Variants in C8orf34 observed in about 807,000 individuals in gnomAD.
C8orf34 encodes the protein uncharacterized protein C8orf34.
A neutral mutation model predicts 68.3 loss-of-function variants in C8orf34; 65 were observed. The ratio of observed to expected loss-of-function variants is 0.95; its 90% CI spans 0.78 to 1.17. The LOEUF is 1.17. Among genes scored for constraint, C8orf34 ranks in the 50% most tolerant of loss-of-function variants. The pLI is 0.00. For synonymous variants in C8orf34, 244 were observed against 241.2 expected (o/e 1.01, Z -0.11); for missense variants, 664 against 655.4 (o/e 1.01, Z -0.14).
chr8:68,602,438 C>T (rs1817726186), intron 7 of C8orf34, among the ~76,000 whole-genome samples: 1 of 152,080 alleles, frequency 6.6e-6, no homozygotes, highest in Non-Finnish European at 1.5e-5. Context: ...CACATGGTGG[C>T]AGGAGAGAGA....
intron 9 of C8orf34, among the ~76,000 whole-genome samples, chr8:68,716,786 G>A (rs535365533): frequency 6.6e-6 from 1 of 151,950 alleles, no homozygotes. Flanking sequence ...AAATGCCTTA[G>A]AGAAATAAGT....
chr8:68,775,422 A>C (rs186135153), intron 10 of C8orf34, among the ~76,000 whole-genome samples: 1 of 152,308 alleles, frequency 6.6e-6, no homozygotes, highest in Admixed American at 6.5e-5. Flanking sequence ...AAGTTGTTTG[A>C]CAATTTTGAC....
intron 7 of C8orf34, among the ~76,000 whole-genome samples, chr8:68,583,541 T>C (rs1315384531): frequency 6.6e-6 from 1 of 152,162 alleles, no homozygotes; most frequent in Non-Finnish European, 1.5e-5. Context: ...ATGACCCAGA[T>C]ACCTACTTAA....
chr8:68,449,558 T>C (rs968211188), intron 3 of C8orf34, among the ~76,000 whole-genome samples: 3 of 152,012 alleles, frequency 2.0e-5, no homozygotes, highest in Non-Finnish European at 4.4e-5. Flanking sequence ...ATAAAGTGAA[T>C]ATCACAATAT....
chr8:68,663,977 A>C, intron 8 of C8orf34, among the ~76,000 whole-genome samples: 1 of 152,330 alleles, frequency 6.6e-6, no homozygotes, highest in South Asian at 2.1e-4. Flanking sequence ...TGTAATGTGA[A>C]TTTTAGGCTT....
chr8:68,386,940 A>G (rs975423965), intron 1 of C8orf34, among the ~76,000 whole-genome samples: 1 of 152,076 alleles, frequency 6.6e-6, no homozygotes, highest in Non-Finnish European at 1.5e-5. Context: ...GAAGGACAAA[A>G]TCACCACAAA....
At chr8:68,458,926 A>G (rs1000747181) in intron 3 of C8orf34, among the ~76,000 whole-genome samples, 1 of 152,154 alleles carries the variant, frequency 6.6e-6, no homozygotes, top group Non-Finnish European at 1.5e-5. Flanking sequence ...ATATTTATTT[A>G]TTTTGACAAT....
Position 68,753,154 on chromosome 8 carries a change from A to T in C8orf34, c.1405-23245A>T, listed in dbSNP as rs116921192. On this transcript the variant is annotated intron_variant, in intron 10 of 13. Transcript: ENST00000518698. ...TGGTCATAACACAGCAATATTGAAA[A>T]CATGTTCTCGTAGATAAAGGAAATG... is the stretch of plus-strand genomic sequence containing the variant. Among the ~76,000 whole-genome samples the T allele has an allele frequency of 5.3e-3, 805 of 152,326 alleles. 7 individuals are homozygous for T. Among genetic ancestry groups the T allele is most frequent in the Middle Eastern group, 0.024 (7 of 294 alleles).
chr8:68,373,853 C>A (rs1018485597), intron 1 of C8orf34, among the ~76,000 whole-genome samples: 2 of 152,158 alleles, frequency 1.3e-5, no homozygotes, highest in Non-Finnish European at 2.9e-5. Context: ...AATATAACCA[C>A]AAGGCATCCT....
intron 5 of C8orf34, among the ~76,000 whole-genome samples, chr8:68,499,533 A>T (rs536824515): frequency 6.6e-6 from 1 of 152,210 alleles, no homozygotes; most frequent in African/African-American, 2.4e-5. Flanking sequence ...CACTACCAAC[A>T]AGTAAATTTA....
intron 7 of C8orf34, among the ~76,000 whole-genome samples, chr8:68,541,318 T>G (rs942673842): frequency 2.0e-5 from 3 of 151,854 alleles, no homozygotes; most frequent in African/African-American, 4.8e-5. Flanking sequence ...TAAAAAAAAT[T>G]ACTTAGGTGT....
intron 10 of C8orf34, among the ~76,000 whole-genome samples, chr8:68,759,705 G>A (rs1822971657): frequency 6.6e-6 from 1 of 152,218 alleles, no homozygotes; most frequent in South Asian, 2.1e-4. Context: ...AGATTATCTT[G>A]CAGGATGCAT....
At chr8:68,606,247 T>G (rs1238851540) in intron 7 of C8orf34, among the ~76,000 whole-genome samples, 1 of 152,118 alleles carries the variant, frequency 6.6e-6, no homozygotes, top group Non-Finnish European at 1.5e-5. Context: ...GTAACATGGC[T>G]TATATTAATA....
At chr8:68,812,853 C>A (rs1231232109) in intron 12 of C8orf34, among the ~76,000 whole-genome samples, 2 of 152,098 alleles carry the variant, frequency 1.3e-5, no homozygotes, top group Admixed American at 1.3e-4. Context: ...GAGGTCATAA[C>A]CTCTAGAAAC....
intron 7 of C8orf34, among the ~76,000 whole-genome samples, chr8:68,536,414 T>C (rs898101167): frequency 3.4e-5 from 5 of 148,252 alleles, no homozygotes; most frequent in African/African-American, 9.9e-5. Context: ...TAAAAATCCC[T>C]GTATATTTTA....
intron 7 of C8orf34, among the ~76,000 whole-genome samples, chr8:68,588,661 AG>A (rs1249841849): frequency 6.6e-6 from 1 of 152,162 alleles, no homozygotes; most frequent in Non-Finnish European, 1.5e-5. Context: ...TGTGGTCATT[AG>A]GGTCATTAGA....
rs959971084 is a variant in C8orf34 at position 68,446,011 on chromosome 8, C to A, written c.476-318C>A. ...TTCACCATACTGGTCAGGTTGGTCT[C>A]GAACTCCTGACCTCAGGTGATCCAC... On this transcript the variant is annotated intron_variant, in intron 2 of 13. Transcript: ENST00000518698. 9.4e-4 allele frequency among the ~76,000 whole-genome samples: 143 copies of A among 152,148 alleles called. 2 individuals carry two copies. The highest frequency in any genetic ancestry group is 4.4e-5 in the Non-Finnish European group (3 of 68,016).
intron 10 of C8orf34, among the ~76,000 whole-genome samples, chr8:68,750,840 T>G (rs1337304668): frequency 6.6e-6 from 1 of 152,254 alleles, no homozygotes; most frequent in South Asian, 2.1e-4. Context: ...TATTTCTAAT[T>G]TTTATAGTAC....
intron 7 of C8orf34, among the ~76,000 whole-genome samples, chr8:68,582,070 T>C (rs1191292046): frequency 1.3e-5 from 2 of 152,114 alleles, no homozygotes; most frequent in African/African-American, 4.8e-5. Context: ...CTGGCACTCC[T>C]ATAACAAAAG....
Sources: gnomAD v4.1 joint callset for allele counts (sites outside exome capture counted in the v4.1 genomes callset) on GRCh38, gnomAD v4.1.1 for gene constraint, MANE v1.5 for transcripts, NCBI Gene and HGNC (gene_info 2026-07-23, HGNC 2026-07-21) for gene names.